The following ZNF445 variants were observed in gnomAD, a reference collection of about 807,000 sequenced individuals.
ZNF445 encodes the protein zinc finger protein 168.
Under a neutral mutation model 93.9 loss-of-function variants are expected in ZNF445, and 19 were observed. The ratio of observed to expected loss-of-function variants is 0.20; its 90% CI spans 0.14 to 0.30. The LOEUF is 0.30. Among genes scored for constraint, ZNF445 ranks in the 10% least tolerant of loss-of-function variants. The pLI is 1.00. For synonymous variants in ZNF445, 449 were observed against 446.3 expected (o/e 1.01, Z -0.08); for missense variants, 1,058 against 1,259.4 (o/e 0.84, Z 2.42).
At chr3:44,451,897 A>G (rs898251512) in intron 3 of ZNF445, among the ~76,000 whole-genome samples, 2 of 152,218 alleles carry the variant, frequency 1.3e-5, no homozygotes, top group Admixed American at 1.3e-4. Flanking sequence ...GTGGAGATAC[A>G]GTCAAGTAAT....
intron 1 of ZNF445, among the ~76,000 whole-genome samples, chr3:44,466,641 A>G (rs1399512859): frequency 1.3e-5 from 2 of 152,140 alleles, no homozygotes; most frequent in Non-Finnish European, 2.9e-5. Flanking sequence ...TCCACGGACA[A>G]TTGTCTCATT....
In ZNF445 at chr3:44,445,332, T is replaced by G. The variant is rs1044360407; in HGVS notation, c.*1243A>C. ...CATGAGAAGCCTTTCACCCTTTTAC[T>G]GAGTCCTTGGATCTGTGGTTAACCC... On this transcript the variant is annotated 3_prime_UTR_variant, in exon 8 of 8. Transcript: ENST00000396077. The G allele has an allele frequency of 2.6e-5, 4 of 152,260 alleles. No homozygotes were observed. The highest frequency in any genetic ancestry group is 2.6e-4 in the Admixed American group (4 of 15,290). The allele number at this position is 152,260 out of a possible 1,614,324, so 9.4% of individuals were successfully genotyped here.
intron 1 of ZNF445, among the ~76,000 whole-genome samples, chr3:44,465,231 T>C (rs1036350786): frequency 8.5e-5 from 13 of 152,126 alleles, no homozygotes; most frequent in African/African-American, 3.1e-4. Context: ...TAAGAAGGCA[T>C]GGGAATATGG....
intron 5 of ZNF445, 141 bp from the exon 6 acceptor site, chr3:44,450,714 G>T: frequency 7.6e-7 from 1 of 1,320,132 alleles, no homozygotes; most frequent in Non-Finnish European, 1.0e-6. Flanking sequence ...CCCAGCAGAA[G>T]ACCTCTGGGC....
At position 44,438,496 on chromosome 3, in the gene ZNF445, C is replaced by G. The variant is rs1385356030; in HGVS notation, c.*8079G>C. 2.7e-5 allele frequency: 4 copies of G among 150,850 alleles called. No homozygotes were observed. The East Asian group carries it at 7.8e-4, about 30-fold the overall frequency. 9.3% of individuals were successfully genotyped at this position (150,850 alleles called of 1,614,324 possible). A position where few individuals can be genotyped will look rare whatever the true frequency, so the allele number is the denominator to read the frequency against. ...TATTTTTACTAGAGACGGGGTTTCA[C>G]CGCGTTAGCCAGCATGGTCTCGATC... On this transcript the variant is annotated 3_prime_UTR_variant, in exon 8 of 8. Transcript: ENST00000396077.
Position 44,453,971 on chromosome 3 carries a change from C to T in ZNF445, c.429+1150G>A, listed in dbSNP as rs542144708. On this transcript the variant is annotated intron_variant, in intron 3 of 7. Coordinates refer to ENST00000396077, the MANE Select transcript of ZNF445 (RefSeq NM_181489.6). ...AGCTCTGCCCCTCAGCACTCATGAC[C>T]ATCTTCCCTGCCTCCCATCTCACAC... Among the ~76,000 whole-genome samples the T allele has an allele frequency of 2.6e-5, 4 of 152,196 alleles. No individual in the cohort carries two copies. The South Asian group carries it at 6.2e-4, about 24-fold the overall frequency.
chr3:44,455,009 C>T, intron 3 of ZNF445, 112 bp downstream of exon 3: 1 of 1,337,342 alleles, frequency 7.5e-7, no homozygotes, highest in South Asian at 1.3e-5. Context: ...GAAAGGAAGG[C>T]TTCCCCTGCA....
At chr3:44,454,994 G>T in intron 3 of ZNF445, 127 bp downstream of exon 3, 1 of 1,187,608 alleles carries the variant, frequency 8.4e-7, no homozygotes, top group Non-Finnish European at 1.2e-6. Flanking sequence ...CAGGTACCAT[G>T]GGAAGAAAGG....
At chr3:44,475,298 A>T (rs1384563242) in intron 1 of ZNF445, among the ~76,000 whole-genome samples, 3 of 152,028 alleles carry the variant, frequency 2.0e-5, no homozygotes, top group Non-Finnish European at 2.9e-5. Flanking sequence ...TCCTGGGTTC[A>T]AGCAATTCTC....
Position 44,440,015 on chromosome 3 carries a change from C to G in ZNF445, c.*6560G>C, listed in dbSNP as rs1451843733. Reference sequence around the variant, plus strand: ...GATCCAGGCAAACTGAGGGGGAGAGCTTGAATGCTATTAGCAGACAAACGT... The same window carrying G: ...GATCCAGGCAAACTGAGGGGGAGAGGTTGAATGCTATTAGCAGACAAACGT... On this transcript the variant is annotated 3_prime_UTR_variant, in exon 8 of 8. Coordinates refer to ENST00000396077, the MANE Select transcript of ZNF445 (RefSeq NM_181489.6). The G allele has an allele frequency of 6.6e-6, 1 of 152,192 alleles. No homozygotes were observed. Among genetic ancestry groups the G allele is most frequent in the African/African-American group, 2.4e-5 (1 of 41,434 alleles). The allele number at this position is 152,192 out of a possible 1,614,324, so 9.4% of individuals were successfully genotyped here.
Position 44,455,585 on chromosome 3 carries a change from C to T in ZNF445, c.-36G>A. On this transcript the variant is annotated 5_prime_UTR_variant, in exon 3 of 8. Transcript: ENST00000396077. ...CAGGGACTAACCAGAAGAGTGCGAACCAAGTCCACCTTAGACGTGGGTCCT... is the reference window on the plus strand; with the variant it reads ...CAGGGACTAACCAGAAGAGTGCGAATCAAGTCCACCTTAGACGTGGGTCCT... The T allele has an allele frequency of 1.3e-6, 2 of 1,525,978 alleles. No individual in the cohort carries two copies. The highest frequency in any genetic ancestry group is 2.2e-5 in the Admixed American group (1 of 45,912). 94.5% of individuals were successfully genotyped at this position (1,525,978 alleles called of 1,614,324 possible).
At chr3:44,461,785 C>T (rs1377753774) in intron 1 of ZNF445, among the ~76,000 whole-genome samples, 4 of 152,220 alleles carry the variant, frequency 2.6e-5, no homozygotes, top group Admixed American at 6.5e-5. Flanking sequence ...GTTCCCCATG[C>T]AGCCTGTTGG....
intron 1 of ZNF445, among the ~76,000 whole-genome samples, chr3:44,466,478 T>C (rs1698197007): frequency 6.6e-6 from 1 of 152,238 alleles, no homozygotes; most frequent in Non-Finnish European, 1.5e-5. Flanking sequence ...GTATATGTTA[T>C]GAAATTATGT....
Position 44,448,110 on chromosome 3 carries a change from C to G in ZNF445, c.1561G>C (p.Ala521Pro). 6.2e-7 allele frequency: 1 copy of G among 1,613,924 alleles called. No homozygotes were observed. Among genetic ancestry groups the G allele is most frequent in the Non-Finnish European group, 8.5e-7 (1 of 1,180,038 alleles). ...KAFKCRVCGKAFRWSSNCARH... is the reference protein window; with the variant it reads ...KAFKCRVCGKPFRWSSNCARH... Reference sequence around the variant, plus strand: ...GCACAGTTGGAACTCCACCGGAAGGCTTTCCCACACACCCTACATTTAAAT... The same window carrying G: ...GCACAGTTGGAACTCCACCGGAAGGGTTTCCCACACACCCTACATTTAAAT... The change falls in exon 8 of 8, where the codon GCC becomes CCC. Residue 521 changes from alanine to proline, a missense_variant. Around this residue, in one of 3 missense-constraint regions of ZNF445, gnomAD observed 657 missense variants for 746.4 expected, o/e 0.88. Coordinates refer to ENST00000396077, the MANE Select transcript of ZNF445 (RefSeq NM_181489.6).
At chr3:44,452,619 G>C (rs1273867323) in intron 3 of ZNF445, among the ~76,000 whole-genome samples, 1 of 152,114 alleles carries the variant, frequency 6.6e-6, no homozygotes, top group Admixed American at 6.5e-5. Context: ...ATTACATCTA[G>C]CTGTAAATGA....
chr3:44,451,367 TGGTCCCCC>T lies in ZNF445; in HGVS notation c.537_544del (p.Gly180ProfsTer6). On this transcript the variant is annotated frameshift_variant, in exon 4 of 8. Coordinates refer to ENST00000396077, the MANE Select transcript of ZNF445 (RefSeq NM_181489.6). LOFTEE classifies it high-confidence loss of function. ...TTCTATTTCATAGGGAGGCTCCAGGTGGTCCCCCAGAGCAGAGCTGCTCCTGAGAGGTG... is the reference window on the plus strand; with the variant it reads ...TTCTATTTCATAGGGAGGCTCCAGGTAGAGCAGAGCTGCTCCTGAGAGGTG... 6.2e-7 allele frequency: 1 copy of T among 1,614,134 alleles called. No homozygotes were observed. The highest frequency in any genetic ancestry group is 1.7e-4 in the Middle Eastern group (1 of 6,060).
rs1398860669 is a variant in ZNF445 at position 44,438,187 on chromosome 3, TTTCAC to T, written c.*8383_*8387del. 2 of 151,962 alleles carry T rather than the reference TTTCAC, an allele frequency of 1.3e-5. No individual in the cohort carries two copies. The highest frequency in any genetic ancestry group is 1.5e-5 in the Non-Finnish European group (1 of 67,998). The allele number at this position is 151,962 out of a possible 1,614,324, so 9.4% of individuals were successfully genotyped here. On this transcript the variant is annotated 3_prime_UTR_variant, in exon 8 of 8. Transcript: ENST00000396077. The stretch of plus-strand genomic sequence containing the variant: ...TTTTTTTTTTTTAATTGAGACAAAG[TTTCAC>T]TCTGTCGCCCAGGCTGGAGTGCAGT...
At chr3:44,465,593 G>A (rs2125684174) in intron 1 of ZNF445, among the ~76,000 whole-genome samples, 1 of 152,126 alleles carries the variant, frequency 6.6e-6, no homozygotes, top group East Asian at 1.9e-4. Flanking sequence ...CTAACTACTG[G>A]ATAGAGATAT....
chr3:44,455,220 C>A lies in ZNF445; in HGVS notation c.330G>T (p.Glu110Asp), dbSNP rs758338845. The A allele has an allele frequency of 3.1e-6, 5 of 1,614,202 alleles. No individual in the cohort carries two copies. The highest frequency in any genetic ancestry group is 1.1e-5 in the South Asian group (1 of 91,086). The change falls in exon 3 of 8, where the codon GAG becomes GAT. Residue 110 changes from glutamate to aspartate, a missense_variant. Transcript: ENST00000396077. ...LEQFLSILPG[E>D]LRVWVQLHNP... ...TATGAAGCTGCACCCAAACCCGGAG[C>A]TCCCCAGGCAGGATGCTCAGGAACT...
Sources: gnomAD v4.1 joint callset for allele counts (sites outside exome capture counted in the v4.1 genomes callset) on GRCh38, gnomAD v4.1.1 for gene constraint, gnomAD v4.1.1 regional missense constraint, MANE v1.5 for transcripts, NCBI Gene and HGNC (gene_info 2026-07-23, HGNC 2026-07-21) for gene names.